PRR14L: variants seen among roughly 807,000 people sequenced by gnomAD.
PRR14L encodes proline rich 14 like.
Under a neutral mutation model 155.0 loss-of-function variants are expected in PRR14L, and 80 were observed. That is an observed-to-expected ratio of 0.52 (90% CI 0.43 to 0.62). The LOEUF (loss-of-function observed/expected upper bound fraction) is 0.62, where lower values mean the gene tolerates loss of function less well. Among genes scored for constraint, PRR14L ranks in the 20% least tolerant of loss-of-function variants. The probability of loss-of-function intolerance (pLI) is 0.00; values close to 1 mark genes in which losing one functional copy is unlikely to be tolerated. For missense variants in PRR14L, 2,469 were observed against 2,548.0 expected, an observed-to-expected ratio of 0.97 and a Z score of 0.67; for synonymous variants, 883 against 916.0, an observed-to-expected ratio of 0.96 and a Z score of 0.65.
At position 31,714,408 on chromosome 22, in the gene PRR14L, TCA is replaced by T; in HGVS notation, c.3429_3430del (p.Cys1143Ter). 2 of 1,551,648 alleles carry T rather than the reference TCA, an allele frequency of 1.3e-6. No homozygotes were observed. Among genetic ancestry groups the T allele is most frequent in the Non-Finnish European group, 8.7e-7 (1 of 1,146,990 alleles). ...ACAAGAGTCTGGACACTTTTCCATT[TCA>T]CAGTCTTTTAAAGATCTGCATACGT... On this transcript the variant is annotated stop_gained and frameshift_variant, in exon 4 of 9. Coordinates refer to ENST00000327423, the MANE Select transcript of PRR14L (RefSeq NM_173566.3). LOFTEE classifies it high-confidence loss of function.
Position 31,716,290 on chromosome 22 carries a change from G to A in PRR14L, c.1549C>T (p.Gln517Ter). Residue 517 changes from glutamine (Q) to a stop codon, truncating the protein, a stop_gained, in exon 4 of 9, where the codon CAG becomes TAG. Coordinates refer to ENST00000327423, the MANE Select transcript of PRR14L (RefSeq NM_173566.3). LOFTEE classifies it high-confidence loss of function. ...SEESSFSSLMQIEEAGQTTPV... is the reference protein window; with the variant it reads ...SEESSFSSLM ...GTTGTCTGTCCTGCCTCTTCAATCTGCATCAAGGAGGAAAAACTGCTTTCT... is the reference window on the plus strand; with the variant it reads ...GTTGTCTGTCCTGCCTCTTCAATCTACATCAAGGAGGAAAAACTGCTTTCT... The A allele has an allele frequency of 6.4e-7, 1 of 1,551,614 alleles. No homozygotes were observed. Among genetic ancestry groups the A allele is most frequent in the Non-Finnish European group, 8.7e-7 (1 of 1,146,956 alleles).
At chr22:31,729,420 T>C (rs1413571957) in intron 2 of PRR14L, among the ~76,000 whole-genome samples, 1 of 151,978 alleles carries the variant, frequency 6.6e-6, no homozygotes, top group Non-Finnish European at 1.5e-5. Flanking sequence ...GGTTTCACCG[T>C]ATTAGCCAGG....
chr22:31,698,093 T>C (rs935920433), intron 7 of PRR14L, among the ~76,000 whole-genome samples: 7 of 150,502 alleles, frequency 4.7e-5, no homozygotes, highest in Non-Finnish European at 8.8e-5. Context: ...GGCTCAATCA[T>C]GGCTCACTGC....
intron 6 of PRR14L, 83 bp from the exon 7 acceptor site, chr22:31,701,845 T>A: frequency 9.7e-7 from 1 of 1,036,132 alleles, no homozygotes; most frequent in Non-Finnish European, 1.4e-6. Context: ...TCTCACTCTG[T>A]GGCCCAGGCT....
In PRR14L at chr22:31,684,118, T is replaced by C. The variant is rs774928830; in HGVS notation, c.*1409A>G. Reference sequence around the variant, plus strand: ...GAAGGAGGGGAAGGGGAGCAGGATATGGACACACAGGACTTCAGTGGAAAA... The same window carrying C: ...GAAGGAGGGGAAGGGGAGCAGGATACGGACACACAGGACTTCAGTGGAAAA... On this transcript the variant is annotated 3_prime_UTR_variant, in exon 9 of 9. Coordinates refer to ENST00000327423, the MANE Select transcript of PRR14L (RefSeq NM_173566.3). 7.2e-5 allele frequency: 11 copies of C among 152,348 alleles called. No individual in the cohort carries two copies. The highest frequency in any genetic ancestry group is 3.3e-4 in the Admixed American group (5 of 15,230). The allele number at this position is 152,348 out of a possible 1,614,324, so 9.4% of individuals were successfully genotyped here.
At chr22:31,693,087 T>C (rs917802680) in intron 7 of PRR14L, among the ~76,000 whole-genome samples, 1 of 152,196 alleles carries the variant, frequency 6.6e-6, no homozygotes, top group East Asian at 1.9e-4. Flanking sequence ...TGAACCTATA[T>C]TGATACATTA....
At position 31,684,565 on chromosome 22, in the gene PRR14L, G is replaced by GT. The variant is rs1001575672; in HGVS notation, c.*961dup. On this transcript the variant is annotated 3_prime_UTR_variant, in exon 9 of 9. Transcript: ENST00000327423. ...ACTTAAATCACTAAAATAAATACAT[G>GT]TATTTGGTGGGCAAGAATGAGAACC... 1 of 152,116 alleles carries GT rather than the reference G, an allele frequency of 6.6e-6. No individual in the cohort carries two copies. The highest frequency in any genetic ancestry group is 6.6e-5 in the Admixed American group (1 of 15,244). 9.4% of individuals were successfully genotyped at this position (152,116 alleles called of 1,614,324 possible).
At chr22:31,744,168 T>G (rs1022680333) in intron 1 of PRR14L, among the ~76,000 whole-genome samples, 2 of 151,652 alleles carry the variant, frequency 1.3e-5, no homozygotes, top group Non-Finnish European at 2.9e-5. Context: ...GTTTCGCTCT[T>G]GTTGCCCAGG....
intron 5 of PRR14L, 50 bp downstream of exon 5, chr22:31,704,605 G>GCA (rs141001833): frequency 1.8e-5 from 27 of 1,469,124 alleles, no homozygotes; most frequent in African/African-American, 9.7e-5. Context: ...TCTCTCTCTT[G>GCA]CACACACACA....
Position 31,685,561 on chromosome 22 carries a change from T to G in PRR14L, c.6422A>C (p.Lys2141Thr). 2 of 1,552,058 alleles carry G rather than the reference T, an allele frequency of 1.3e-6. No homozygotes were observed. The highest frequency in any genetic ancestry group is 1.7e-6 in the Non-Finnish European group (2 of 1,146,956). The change falls in exon 9 of 9, where the codon AAG (lysine) becomes ACG (threonine). Residue 2141 changes from lysine (K) to threonine (T), a missense_variant. Lys to Thr is a moderately conservative substitution (Grantham distance 78, BLOSUM62 -1). This residue lies in a region of PRR14L where 106 missense variants were observed against 176.4 expected (regional missense o/e 0.60). Coordinates refer to ENST00000327423, the MANE Select transcript of PRR14L (RefSeq NM_173566.3). ...KLMELETFFA[K>T]EEEQEQSSGC is the part of the protein sequence containing the mutation. ...TGATGATTGTTCCTGCTCCTCTTCC[T>G]TGGCAAAGAAGGTCTCCAGTTCCAT...
At chr22:31,692,331 A>G (rs1268884761) in intron 7 of PRR14L, among the ~76,000 whole-genome samples, 1 of 151,592 alleles carries the variant, frequency 6.6e-6, no homozygotes, top group Non-Finnish European at 1.5e-5. Context: ...TACTACACTT[A>G]TTTTCTGTTT....
In PRR14L at chr22:31,682,930, T is replaced by A. The variant is rs1196395751; in HGVS notation, c.*2597A>T. On this transcript the variant is annotated 3_prime_UTR_variant, in exon 9 of 9. Coordinates refer to ENST00000327423, the MANE Select transcript of PRR14L (RefSeq NM_173566.3). ...CAGCTGGCTCAGTGCCGAAACTGAATGTTAAGACAGGTGTGGCTGAGCGCA... is the reference window on the plus strand; with the variant it reads ...CAGCTGGCTCAGTGCCGAAACTGAAAGTTAAGACAGGTGTGGCTGAGCGCA... 2.0e-5 allele frequency: 3 copies of A among 152,200 alleles called. No homozygotes were observed. The highest frequency in any genetic ancestry group is 7.2e-5 in the African/African-American group (3 of 41,440). The allele number at this position is 152,200 out of a possible 1,614,324, so 9.4% of individuals were successfully genotyped here. A position where few individuals can be genotyped will look rare whatever the true frequency, so the allele number is the denominator to read the frequency against.
chr22:31,740,516 C>A (rs1334762020), intron 1 of PRR14L, among the ~76,000 whole-genome samples: 2 of 152,114 alleles, frequency 1.3e-5, no homozygotes, highest in Non-Finnish European at 2.9e-5. Context: ...CTGTGCCAGG[C>A]CACACCTGGC....
At chr22:31,695,728 G>T (rs952629729) in intron 7 of PRR14L, among the ~76,000 whole-genome samples, 6 of 152,000 alleles carry the variant, frequency 3.9e-5, no homozygotes, top group Admixed American at 2.6e-4. Context: ...CCCAGCTCTG[G>T]CCTCTGCAAC....
chr22:31,711,395 C>T (rs765595800), intron 4 of PRR14L, among the ~76,000 whole-genome samples: 8 of 152,004 alleles, frequency 5.3e-5, no homozygotes, highest in East Asian at 3.9e-4. Context: ...CGCTTGAATC[C>T]GGGAGGCAGA....
chr22:31,708,569 C>T (rs950495566), intron 4 of PRR14L, among the ~76,000 whole-genome samples: 2 of 152,088 alleles, frequency 1.3e-5, no homozygotes, highest in South Asian at 2.1e-4. Flanking sequence ...TCAGATGATT[C>T]GCCCGCCTTG....
At chr22:31,693,539 G>A (rs1408277496) in intron 7 of PRR14L, among the ~76,000 whole-genome samples, 1 of 152,176 alleles carries the variant, frequency 6.6e-6, no homozygotes, top group Non-Finnish European at 1.5e-5. Context: ...GAACATTTAT[G>A]TACAGATTTT....
chr22:31,699,780 T>A (rs924110794), intron 7 of PRR14L, among the ~76,000 whole-genome samples: 1 of 152,082 alleles, frequency 6.6e-6, no homozygotes, highest in East Asian at 1.9e-4. Context: ...ATTTGCTTGA[T>A]GGGCTTAAAT....
intron 4 of PRR14L, among the ~76,000 whole-genome samples, chr22:31,711,290 TG>T (rs899312526): frequency 3.3e-5 from 5 of 151,732 alleles, no homozygotes; most frequent in African/African-American, 9.7e-5. Context: ...CTGGCCAACA[TG>T]GTGAAACCGT....
Sources: gnomAD v4.1 joint callset for allele counts (sites outside exome capture counted in the v4.1 genomes callset) on GRCh38, gnomAD v4.1.1 for gene constraint, gnomAD v4.1.1 regional missense constraint, MANE v1.5 for transcripts, NCBI Gene and HGNC (gene_info 2026-07-23, HGNC 2026-07-21) for gene names.